Variants in TSPAN18 observed in about 807,000 individuals in gnomAD.
TSPAN18 encodes the protein tetraspanin 18.
A neutral mutation model predicts 27.3 loss-of-function variants in TSPAN18; 14 were observed. That is an observed-to-expected ratio of 0.51 (90% CI 0.34 to 0.80). The LOEUF (loss-of-function observed/expected upper bound fraction) is 0.80. Among genes scored for constraint, TSPAN18 ranks in the 30% least tolerant of loss-of-function variants. The probability of loss-of-function intolerance (pLI) is 0.01; values close to 1 mark genes in which losing one functional copy is unlikely to be tolerated. For missense variants in TSPAN18, 268 were observed against 323.9 expected, an observed-to-expected ratio of 0.83 and a Z score of 1.32; for synonymous variants, 143 against 136.5, an observed-to-expected ratio of 1.05 and a Z score of -0.33.
At chr11:44,794,010 G>T (rs183503821) in intron 2 of TSPAN18, among the ~76,000 whole-genome samples, 1 of 152,296 alleles carries the variant, frequency 6.6e-6, no homozygotes, top group Admixed American at 6.5e-5. Flanking sequence ...ATCTGTCAGC[G>T]GGTGGGACTT....
chr11:44,861,793 T>TCACACACACACACA (rs56816197), intron 3 of TSPAN18, among the ~76,000 whole-genome samples: 7 of 132,146 alleles, frequency 5.3e-5, no homozygotes, highest in East Asian at 2.3e-4. Context: ...AGCCCAAATT[T>TCACACACACACACA]CACACACACA....
chr11:44,917,268 G>GGCAA (rs778896207), intron 5 of TSPAN18, among the ~76,000 whole-genome samples: 1 of 152,218 alleles, frequency 6.6e-6, no homozygotes, highest in Non-Finnish European at 1.5e-5. Flanking sequence ...GGAACTGGTG[G>GGCAA]GCAAGGAAGG....
At chr11:44,910,583 A>G (rs1859671960) in intron 5 of TSPAN18, among the ~76,000 whole-genome samples, 1 of 152,256 alleles carries the variant, frequency 6.6e-6, no homozygotes. Flanking sequence ...AAAAACTCTA[A>G]TATATAACTC....
At chr11:44,780,073 G>A (rs562433260) in intron 2 of TSPAN18, among the ~76,000 whole-genome samples, 14 of 152,108 alleles carry the variant, frequency 9.2e-5, no homozygotes, top group African/African-American at 2.4e-4. Flanking sequence ...TTGTGCAAAC[G>A]TCTTCACACA....
intron 3 of TSPAN18, among the ~76,000 whole-genome samples, chr11:44,881,178 C>G (rs577624733): frequency 6.6e-6 from 1 of 152,216 alleles, no homozygotes; most frequent in African/African-American, 2.4e-5. Context: ...CATGACCACC[C>G]AGGGCTACAG....
At chr11:44,919,176 C>A in intron 6 of TSPAN18, 38 bp from the exon 7 acceptor site, 2 of 1,556,850 alleles carry the variant, frequency 1.3e-6, no homozygotes, top group Non-Finnish European at 1.8e-6. Flanking sequence ...CTGCACCCAA[C>A]TGCCAGGCCT....
intron 8 of TSPAN18, 55 bp downstream of exon 8, chr11:44,920,054 A>C: frequency 6.4e-7 from 1 of 1,551,912 alleles, no homozygotes. Flanking sequence ...TTGGGTGGCC[A>C]GAGCTGGGTG....
chr11:44,841,150 T>C (rs1857364965), intron 2 of TSPAN18, among the ~76,000 whole-genome samples: 1 of 152,162 alleles, frequency 6.6e-6, no homozygotes, highest in Admixed American at 6.5e-5. Flanking sequence ...ACAGACACAG[T>C]GGCTGCCTAC....
intron 2 of TSPAN18, among the ~76,000 whole-genome samples, chr11:44,826,854 ACT>A (rs1857053256): frequency 6.6e-6 from 1 of 151,612 alleles, no homozygotes; most frequent in African/African-American, 2.4e-5. Context: ...GCAGGATTTT[ACT>A]CTCTTTCTGT....
intron 2 of TSPAN18, among the ~76,000 whole-genome samples, chr11:44,784,504 G>A (rs1429861199): frequency 1.3e-5 from 2 of 152,178 alleles, no homozygotes; most frequent in East Asian, 1.9e-4. Flanking sequence ...CGCAAACTGG[G>A]TTGGACTCCG....
At chr11:44,908,809 A>G (rs1859587352) in intron 4 of TSPAN18, among the ~76,000 whole-genome samples, 1 of 116,842 alleles carries the variant, frequency 8.6e-6, no homozygotes, top group African/African-American at 3.5e-5. Flanking sequence ...GAAAGAAAGA[A>G]AGAAAGAAAG....
At chr11:44,740,237 C>T (rs987487227) in intron 1 of TSPAN18, among the ~76,000 whole-genome samples, 1 of 152,270 alleles carries the variant, frequency 6.6e-6, no homozygotes, top group East Asian at 1.9e-4. Flanking sequence ...TGGGAAAGAG[C>T]CCTTGGGACC....
chr11:44,750,520 C>T (rs1030583353), intron 1 of TSPAN18, among the ~76,000 whole-genome samples: 4 of 152,124 alleles, frequency 2.6e-5, no homozygotes, highest in Non-Finnish European at 2.9e-5. Flanking sequence ...CCACATGAGG[C>T]GGTATGTAGG....
intron 3 of TSPAN18, among the ~76,000 whole-genome samples, chr11:44,900,010 C>T (rs1214764966): frequency 2.0e-5 from 3 of 152,210 alleles, no homozygotes; most frequent in African/African-American, 7.2e-5. Context: ...TTTCTTCTCG[C>T]CCCACCCTCC....
At chr11:44,818,576 C>CG (rs926116576) in intron 2 of TSPAN18, among the ~76,000 whole-genome samples, 7 of 152,120 alleles carry the variant, frequency 4.6e-5, no homozygotes, top group African/African-American at 1.7e-4. Context: ...CACTTCACTC[C>CG]GGGAAGAGCT....
intron 1 of TSPAN18, among the ~76,000 whole-genome samples, chr11:44,763,597 A>G (rs944057262): frequency 3.3e-5 from 5 of 152,216 alleles, no homozygotes; most frequent in African/African-American, 9.6e-5. Flanking sequence ...TCTTTTTCCT[A>G]GTTTCAAAAT....
intron 1 of TSPAN18, among the ~76,000 whole-genome samples, chr11:44,732,597 C>T (rs759198650): frequency 1.3e-5 from 2 of 152,090 alleles, no homozygotes; most frequent in Admixed American, 6.6e-5. Flanking sequence ...TATGAGATTC[C>T]GTTTCTGTCC....
intron 2 of TSPAN18, among the ~76,000 whole-genome samples, chr11:44,825,707 T>C (rs879816648): frequency 2.0e-5 from 3 of 152,214 alleles, no homozygotes; most frequent in Admixed American, 6.5e-5. Flanking sequence ...GATGGAAATG[T>C]TGAAGCGGGG....
At chr11:44,833,232 G>A (rs1009462579) in intron 2 of TSPAN18, among the ~76,000 whole-genome samples, 10 of 151,958 alleles carry the variant, frequency 6.6e-5, no homozygotes, top group Admixed American at 4.6e-4. Context: ...CCTTCCTATC[G>A]GCTTAGTAAC....
Sources: gnomAD v4.1 joint callset for allele counts (sites outside exome capture counted in the v4.1 genomes callset) on GRCh38, gnomAD v4.1.1 for gene constraint, MANE v1.5 for transcripts, NCBI Gene and HGNC (gene_info 2026-07-23, HGNC 2026-07-21) for gene names.